Variants in NEXMIF observed in about 807,000 individuals in gnomAD.
The protein encoded by NEXMIF is XLMR protein related to neurite extension.
NEXMIF carries 8 observed loss-of-function variants against 62.1 expected under a neutral mutation model. The observed-to-expected ratio is 0.13, with a 90% CI of 0.08 to 0.23. NEXMIF has a LOEUF of 0.23. NEXMIF is among the 10% of genes least tolerant of loss of function. The pLI, the probability that NEXMIF is intolerant of heterozygous loss-of-function variation, is 1.00. For synonymous variants in NEXMIF, 404 were observed against 416.6 expected (o/e 0.97, Z 0.37); for missense variants, 976 against 1,113.3 (o/e 0.88, Z 1.75).
At chrX:74,749,134 A>T (rs967632817) in intron 1 of NEXMIF, among the ~76,000 whole-genome samples, 1 of 111,372 alleles carries the variant, frequency 9.0e-6, no homozygotes, top group Admixed American at 9.6e-5. Flanking sequence ...AGGGGCAGAA[A>T]GTTGCTATGG....
At chrX:74,779,092 C>T (rs780709920) in intron 1 of NEXMIF, among the ~76,000 whole-genome samples, 5 of 112,479 alleles carry the variant, frequency 4.4e-5, no homozygotes, top group Non-Finnish European at 9.4e-5. Context: ...CAAGTTCAGA[C>T]GCCATTCACC....
At chrX:74,919,629 T>TA (rs111397906) in intron 1 of NEXMIF, among the ~76,000 whole-genome samples, 2 of 110,974 alleles carry the variant, frequency 1.8e-5, no homozygotes, top group South Asian at 3.8e-4. Context: ...GTTCTTTTTT[T>TA]TTATTATTAT....
chrX:74,845,084 T>C (rs1252436682), intron 1 of NEXMIF, among the ~76,000 whole-genome samples: 1 of 112,006 alleles, frequency 8.9e-6, no homozygotes, highest in African/African-American at 3.2e-5. Flanking sequence ...TTCTTAACTA[T>C]TAGGTGCTCC....
chrX:74,884,333 T>TA (rs1311541525), intron 1 of NEXMIF, among the ~76,000 whole-genome samples: 1 of 111,795 alleles, frequency 8.9e-6, no homozygotes, highest in Non-Finnish European at 1.9e-5. Context: ...ATGCTCCAAT[T>TA]AAAAGGAACA....
intron 1 of NEXMIF, among the ~76,000 whole-genome samples, chrX:74,772,688 A>G (rs1318006168): frequency 8.9e-6 from 1 of 112,413 alleles, no homozygotes; most frequent in African/African-American, 3.2e-5. Context: ...CCTTGATATG[A>G]TATCTTTAGA....
rs1010613681 is a variant in NEXMIF at position 74,883,797 on chromosome X, G to A, written c.-48+41086C>T. ...TTCAAATACAGGAAATACAGAGAACGCCACAAAGATACTCCTCAAGAAGAG... is the reference window on the plus strand; with the variant it reads ...TTCAAATACAGGAAATACAGAGAACACCACAAAGATACTCCTCAAGAAGAG... On this transcript the variant is annotated intron_variant, in intron 1 of 3. Transcript: ENST00000055682. Among the ~76,000 whole-genome samples the A allele has an allele frequency of 1.3e-4, 14 of 111,183 alleles. No individual in the cohort carries two copies. In the South Asian group the frequency reaches 3.1e-3, roughly 25 times the overall value.
At chrX:74,874,351 T>C (rs1216295576) in intron 1 of NEXMIF, among the ~76,000 whole-genome samples, 1 of 105,273 alleles carries the variant, frequency 9.5e-6, no homozygotes, top group African/African-American at 3.5e-5. Flanking sequence ...CATTGATCTA[T>C]ATCTCTGTTT....
chrX:74,757,002 C>T (rs969038195), intron 1 of NEXMIF, among the ~76,000 whole-genome samples: 1 of 111,742 alleles, frequency 8.9e-6, no homozygotes, highest in Non-Finnish European at 1.9e-5. Flanking sequence ...CGAAACAGGT[C>T]CTGGAGAGGG....
chrX:74,892,111 C>T (rs978248636), intron 1 of NEXMIF, among the ~76,000 whole-genome samples: 50 of 112,210 alleles, frequency 4.5e-4, no homozygotes, highest in African/African-American at 1.6e-3. Context: ...GGCAATAAAG[C>T]CTAATTAGTT....
In NEXMIF at chrX:74,778,878, C is replaced by A. The variant is rs757408903; in HGVS notation, c.-47-33181G>T. 4.6e-4 allele frequency among the ~76,000 whole-genome samples: 51 copies of A among 111,933 alleles called. 1 individual carries two copies. Among genetic ancestry groups the A allele is most frequent in the Admixed American group, 9.5e-4 (10 of 10,560 alleles). ...CTGACCTTAAATGATCCGCCCACCTCAGCCTCCCAAAGTGCTGGGATTACA... is the reference window on the plus strand; with the variant it reads ...CTGACCTTAAATGATCCGCCCACCTAAGCCTCCCAAAGTGCTGGGATTACA... On this transcript the variant is annotated intron_variant, in intron 1 of 3. Coordinates refer to ENST00000055682, the MANE Select transcript of NEXMIF (RefSeq NM_001008537.3).
At chrX:74,758,530 C>T (rs1007054529) in intron 1 of NEXMIF, among the ~76,000 whole-genome samples, 8 of 111,182 alleles carry the variant, frequency 7.2e-5, no homozygotes, top group Admixed American at 2.9e-4. Context: ...AGTACTTAAT[C>T]GTTACTTTTT....
At chrX:74,819,169 G>A (rs924639429) in intron 1 of NEXMIF, among the ~76,000 whole-genome samples, 8 of 111,748 alleles carry the variant, frequency 7.2e-5, no homozygotes, top group African/African-American at 1.3e-4. Flanking sequence ...CTTACACCTT[G>A]TACAAAAATT....
At chrX:74,849,701 G>A (rs921530831) in intron 1 of NEXMIF, among the ~76,000 whole-genome samples, 9 of 112,426 alleles carry the variant, frequency 8.0e-5, no homozygotes, top group East Asian at 2.8e-4. Flanking sequence ...ACCATAAGCC[G>A]TTGGCGTGAC....
At chrX:74,759,393 T>C (rs1160923763) in intron 1 of NEXMIF, among the ~76,000 whole-genome samples, 1 of 112,521 alleles carries the variant, frequency 8.9e-6, no homozygotes, top group African/African-American at 3.2e-5. Context: ...TTAGTTTAAC[T>C]AGGTCCCATT....
chrX:74,813,847 G>A (rs764168452), intron 1 of NEXMIF, among the ~76,000 whole-genome samples: 1 of 112,015 alleles, frequency 8.9e-6, no homozygotes, highest in Admixed American at 9.5e-5. Flanking sequence ...TCAGTTGTGA[G>A]GGTCAAATGA....
chrX:74,815,020 G>T (rs2080371746), intron 1 of NEXMIF, among the ~76,000 whole-genome samples: 2 of 112,016 alleles, frequency 1.8e-5, no homozygotes, highest in South Asian at 7.4e-4. Flanking sequence ...TTTCTGTAAA[G>T]AATGTATACT....
intron 1 of NEXMIF, among the ~76,000 whole-genome samples, chrX:74,869,532 T>C (rs1208881575): frequency 2.7e-5 from 3 of 111,638 alleles, no homozygotes; most frequent in Non-Finnish European, 5.7e-5. Context: ...GAAGTCAAAA[T>C]ATCCTTATTT....
At chrX:74,810,466 A>G (rs769997036) in intron 1 of NEXMIF, among the ~76,000 whole-genome samples, 1 of 110,938 alleles carries the variant, frequency 9.0e-6, no homozygotes, top group Admixed American at 9.7e-5. Context: ...TAAGAGTAAG[A>G]GCACTGAATT....
intron 1 of NEXMIF, among the ~76,000 whole-genome samples, chrX:74,921,252 T>A (rs1010612250): frequency 2.7e-5 from 3 of 110,464 alleles, no homozygotes; most frequent in African/African-American, 9.9e-5. Flanking sequence ...ACAGAGACAA[T>A]GAAGGTCCTC....
Sources: allele counts gnomAD v4.1 joint callset (sites outside exome capture counted in the v4.1 genomes callset), GRCh38; gene constraint gnomAD v4.1.1; transcripts MANE v1.5; gene names NCBI Gene and HGNC (gene_info 2026-07-23, HGNC 2026-07-21).